TRIM34: variants seen among roughly 807,000 people sequenced by gnomAD.
TRIM34 encodes the protein E3 ubiquitin-protein ligase TRIM34.
TRIM34 carries 41 observed loss-of-function variants against 38.1 expected under a neutral mutation model. The observed-to-expected ratio is 1.08, with a 90% CI of 0.84 to 1.40. The LOEUF (loss-of-function observed/expected upper bound fraction) is 1.40, where lower values mean the gene tolerates loss of function less well. Among genes scored for constraint, TRIM34 ranks in the 40% most tolerant of loss-of-function variants. The pLI, the probability that TRIM34 is intolerant of heterozygous loss-of-function variation, is 0.00. For synonymous variants in TRIM34, 200 were observed against 202.5 expected, an observed-to-expected ratio of 0.99 and a Z score of 0.10; for missense variants, 556 against 571.4, an observed-to-expected ratio of 0.97 and a Z score of 0.27.
upstream of TRIM34, among the ~76,000 whole-genome samples, chr11:5,622,481 A>ATGTGGTG (rs1554917308): frequency 1.3e-5 from 2 of 150,082 alleles, no homozygotes; most frequent in African/African-American, 2.5e-5. Flanking sequence ...AATTAGCTGG[A>ATGTGGTG]CGTGGTGGCG....
chr11:5,638,403 C>T (rs1166609322), intron 4 of TRIM34, among the ~76,000 whole-genome samples: 1 of 152,180 alleles, frequency 6.6e-6, no homozygotes, highest in Non-Finnish European at 1.5e-5. Flanking sequence ...TTACTTTCTT[C>T]CCAGTTAAGG....
chr11:5,640,424 G>A (rs1849957008), intron 4 of TRIM34, among the ~76,000 whole-genome samples: 2 of 151,196 alleles, frequency 1.3e-5, no homozygotes, highest in Admixed American at 6.6e-5. Context: ...TTATTAATAT[G>A]GTATATTACA....
intron 4 of TRIM34, among the ~76,000 whole-genome samples, chr11:5,636,747 C>T (rs1849750755): frequency 6.6e-6 from 1 of 152,204 alleles, no homozygotes; most frequent in Non-Finnish European, 1.5e-5. Flanking sequence ...GTGGGATTAA[C>T]ATTTCACTTC....
chr11:5,644,123 C>T lies in TRIM34; in HGVS notation c.*414C>T, dbSNP rs1202631938. The T allele has an allele frequency of 1.0e-5, 4 of 401,420 alleles. No individual in the cohort carries two copies. Among genetic ancestry groups the T allele is most frequent in the Admixed American group, 4.3e-5 (1 of 23,142 alleles). The allele number at this position is 401,420 out of a possible 1,614,324, so 24.9% of individuals were successfully genotyped here. ...GTATGTCAGTGTGTTGCTCAGGATA[C>T]CCCAGGTACATCAAGGAATCAAGGA... On this transcript the variant is annotated 3_prime_UTR_variant, in exon 8 of 8. Coordinates refer to ENST00000429814, the MANE Select transcript of TRIM34 (RefSeq NM_021616.6).
chr11:5,627,176 G>A (rs11038402), intron 1 of TRIM34, among the ~76,000 whole-genome samples: 6,641 of 152,174 alleles, frequency 0.044, 247 homozygotes, highest in East Asian at 0.17. Flanking sequence ...TGGATCATGA[G>A]TTTGAGACCA....
chr11:5,624,456 G>A (rs940621158), upstream of TRIM34, among the ~76,000 whole-genome samples: 5 of 152,142 alleles, frequency 3.3e-5, no homozygotes, highest in Admixed American at 2.6e-4. Context: ...ACTTTGGTAG[G>A]TAGCACACAA....
At position 5,643,720 on chromosome 11, in the gene TRIM34, T is replaced by C. The variant is rs1157884681; in HGVS notation, c.*11T>C. The stretch of plus-strand genomic sequence containing the variant: ...CCACCAAGCTCTTGAATTTTCTCAT[T>C]TCTTCACCTACAACCCTTTGTCTTG... On this transcript the variant is annotated 3_prime_UTR_variant, in exon 8 of 8. Transcript: ENST00000429814. The C allele has an allele frequency of 6.4e-7, 1 of 1,566,684 alleles. No homozygotes were observed. The highest frequency in any genetic ancestry group is 8.6e-7 in the Non-Finnish European group (1 of 1,161,708).
intron 4 of TRIM34, among the ~76,000 whole-genome samples, chr11:5,640,896 TTGTC>T (rs1849977400): frequency 6.6e-6 from 1 of 151,714 alleles, no homozygotes; most frequent in Non-Finnish European, 1.5e-5. Context: ...TTCTAGGAAT[TTGTC>T]TGTTTCATTA....
rs537934801 is a variant in TRIM34, at chr11:5,630,817, G to T, written c.-77-1438G>T. Among the ~76,000 whole-genome samples the T allele has an allele frequency of 2.0e-5, 3 of 152,220 alleles. No homozygotes were observed. In the East Asian group the frequency reaches 5.8e-4, roughly 29 times the overall value. ...ATATAATTAGCTTCTATCTTCTTAG[G>T]TGACTGTTTACTTTATTCTGGCTAA... On this transcript the variant is annotated intron_variant, in intron 1 of 7. Transcript: ENST00000429814.
Position 5,643,683 on chromosome 11 carries a change from A to C in TRIM34, c.1441A>C (p.Met481Leu). 1 of 1,608,008 alleles carries C rather than the reference A, an allele frequency of 6.2e-7. No homozygotes were observed. The highest frequency in any genetic ancestry group is 8.5e-7 in the Non-Finnish European group (1 of 1,177,598). Residue 481 changes from methionine (M) to leucine (L), a missense_variant, in exon 8 of 8, where the codon ATG becomes CTG. By Grantham distance (15) the Met-to-Leu change is conservative. Coordinates refer to ENST00000429814, the MANE Select transcript of TRIM34 (RefSeq NM_021616.6). Reference protein sequence around the residue: ...YFNPWNCPAPMTLCPPSS With the variant: ...YFNPWNCPAPLTLCPPSS ...CAATCCTTGGAACTGTCCAGCTCCC[A>C]TGACTCTATGCCCACCAAGCTCTTG...
At chr11:5,632,878 G>A (rs1483962965) in intron 2 of TRIM34, 124 bp downstream of exon 2, 1 of 1,292,072 alleles carries the variant, frequency 7.7e-7, no homozygotes, top group African/African-American at 1.6e-5. Context: ...CCAGGCTGGA[G>A]TGCAGTGGCG....
At position 5,643,136 on chromosome 11, in the gene TRIM34, T is replaced by C. The variant is rs771612989; in HGVS notation, c.902-8T>C. 62 of 1,411,100 alleles carry C rather than the reference T, an allele frequency of 4.4e-5. 2 individuals are homozygous for C. The East Asian group carries it at 1.4e-3, about 31-fold the overall frequency. 87.4% of individuals were successfully genotyped at this position (1,411,100 alleles called of 1,614,324 possible). On this transcript the variant is annotated splice_polypyrimidine_tract_variant and splice_region_variant and intron_variant, in intron 7 of 7. Coordinates refer to ENST00000429814, the MANE Select transcript of TRIM34 (RefSeq NM_021616.6). The stretch of plus-strand genomic sequence containing the variant: ...ATACATATATATATATTTTTTTTTT[T>C]CTTGCAGTGGATGTCACACTGAATT...
intron 3 of TRIM34, among the ~76,000 whole-genome samples, chr11:5,634,153 C>G (rs1439411560): frequency 6.6e-6 from 1 of 152,138 alleles, no homozygotes; most frequent in Non-Finnish European, 1.5e-5. Flanking sequence ...TTCCATTGCT[C>G]TTTTCCAACG....
chr11:5,640,620 T>C (rs1326460075), intron 4 of TRIM34, among the ~76,000 whole-genome samples: 2 of 152,162 alleles, frequency 1.3e-5, no homozygotes, highest in Non-Finnish European at 2.9e-5. Flanking sequence ...TGTCTTTGGT[T>C]CTTTTATCAG....
At chr11:5,620,576 C>G (rs1486974140), upstream of TRIM34, among the ~76,000 whole-genome samples, 1 of 152,094 alleles carries the variant, frequency 6.6e-6, no homozygotes, top group Non-Finnish European at 1.5e-5. Flanking sequence ...ACTGGAAGTT[C>G]CTGGTATTCT....
upstream of TRIM34, among the ~76,000 whole-genome samples, chr11:5,621,701 C>T (rs990744056): frequency 1.3e-5 from 2 of 152,196 alleles, no homozygotes; most frequent in African/African-American, 4.8e-5. Context: ...AAACCTGCCT[C>T]CCATTCTATT....
At chr11:5,632,981 C>G (rs1211813130) in intron 2 of TRIM34, among the ~76,000 whole-genome samples, 2 of 138,420 alleles carry the variant, frequency 1.4e-5, no homozygotes, top group African/African-American at 5.3e-5. Context: ...CGCCTGCCAC[C>G]GCGCCTGGCT....
At chr11:5,621,475 C>T (rs1483202895), upstream of TRIM34, among the ~76,000 whole-genome samples, 1 of 152,190 alleles carries the variant, frequency 6.6e-6, no homozygotes, top group Non-Finnish European at 1.5e-5. Context: ...TCTTGAATGA[C>T]TAAACTTGCT....
intron 4 of TRIM34, among the ~76,000 whole-genome samples, chr11:5,637,670 T>C (rs1036529406): frequency 6.6e-6 from 1 of 152,252 alleles, no homozygotes; most frequent in East Asian, 1.9e-4. Flanking sequence ...GTGCAACCAT[T>C]AAGTGGGATC....
Sources: gnomAD v4.1 joint callset for allele counts (sites outside exome capture counted in the v4.1 genomes callset) on GRCh38, gnomAD v4.1.1 for gene constraint, MANE v1.5 for transcripts, NCBI Gene and HGNC (gene_info 2026-07-23, HGNC 2026-07-21) for gene names.